SYNPR: variants seen among roughly 807,000 people sequenced by gnomAD.
The protein encoded by SYNPR is synaptoporin.
Under a neutral mutation model 32.9 loss-of-function variants are expected in SYNPR, and 23 were observed. That is an observed-to-expected ratio of 0.70 (90% confidence interval 0.50 to 0.99). The LOEUF (loss-of-function observed/expected upper bound fraction) is 0.99, where lower values mean the gene tolerates loss of function less well. Among genes scored for constraint, SYNPR ranks in the 50% least tolerant of loss-of-function variants. The pLI is 0.00. For synonymous variants in SYNPR, 146 were observed against 135.9 expected, an observed-to-expected ratio of 1.07 and a Z score of -0.52; for missense variants, 318 against 349.3, an observed-to-expected ratio of 0.91 and a Z score of 0.71.
intron 3 of SYNPR, among the ~76,000 whole-genome samples, chr3:63,494,404 T>TATATATATAC (rs1553641131): frequency 9.8e-6 from 1 of 102,446 alleles, no homozygotes; most frequent in African/African-American, 3.9e-5. Flanking sequence ...TATATATATA[T>TATATATATAC]ATATATATAT....
chr3:63,367,161 A>G (rs1049176170), intron 2 of SYNPR, among the ~76,000 whole-genome samples: 4 of 152,164 alleles, frequency 2.6e-5, no homozygotes, highest in African/African-American at 7.2e-5. Context: ...GATTGTTGAG[A>G]TATTATCCAG....
chr3:63,431,848 T>A (rs76145160), intron 2 of SYNPR, among the ~76,000 whole-genome samples: 1 of 147,906 alleles, frequency 6.8e-6, no homozygotes, highest in Non-Finnish European at 1.5e-5. Context: ...TTTTTTTTTT[T>A]CTTCCCTGTT....
chr3:63,362,044 C>A (rs975868101), intron 2 of SYNPR, among the ~76,000 whole-genome samples: 2 of 152,100 alleles, frequency 1.3e-5, no homozygotes, highest in African/African-American at 4.8e-5. Flanking sequence ...CCAGTTATGG[C>A]CAATAAAATG....
At chr3:63,548,258 G>C (rs1189900501) in intron 3 of SYNPR, among the ~76,000 whole-genome samples, 3 of 152,112 alleles carry the variant, frequency 2.0e-5, no homozygotes, top group Non-Finnish European at 2.9e-5. Context: ...AAACAACTAA[G>C]AGCTGGTATC....
intron 2 of SYNPR, among the ~76,000 whole-genome samples, chr3:63,390,585 A>G (rs1450865333): frequency 6.6e-6 from 1 of 152,202 alleles, no homozygotes; most frequent in African/African-American, 2.4e-5. Flanking sequence ...GGTCAGACAG[A>G]CCTGGATATG....
At chr3:63,245,472 A>C (rs2086276697) in intron 1 of SYNPR, among the ~76,000 whole-genome samples, 1 of 152,024 alleles carries the variant, frequency 6.6e-6, no homozygotes, top group African/African-American at 2.4e-5. Context: ...TTGGTGATAG[A>C]AAATATATTA....
intron 3 of SYNPR, among the ~76,000 whole-genome samples, chr3:63,513,440 TCA>T (rs1364853603): frequency 2.6e-5 from 4 of 152,134 alleles, no homozygotes; most frequent in Non-Finnish European, 2.9e-5. Flanking sequence ...ACATATCAAT[TCA>T]CGTAGATCCC....
intron 2 of SYNPR, among the ~76,000 whole-genome samples, chr3:63,415,053 A>G (rs2088521810): frequency 6.6e-6 from 1 of 152,280 alleles, no homozygotes; most frequent in African/African-American, 2.4e-5. Flanking sequence ...AAAGTAAATT[A>G]CATAAACTTA....
At chr3:63,508,709 A>T (rs1020690504) in intron 3 of SYNPR, among the ~76,000 whole-genome samples, 2 of 152,086 alleles carry the variant, frequency 1.3e-5, no homozygotes, top group African/African-American at 4.8e-5. Flanking sequence ...TGAAGGGTGG[A>T]ACATAACCAT....
intron 3 of SYNPR, among the ~76,000 whole-genome samples, chr3:63,271,205 G>A (rs1450411035): frequency 6.6e-6 from 1 of 152,048 alleles, no homozygotes; most frequent in South Asian, 2.1e-4. Context: ...CTAATTTTAG[G>A]TATTGGATTC....
chr3:63,525,947 A>G (rs1702003497), intron 3 of SYNPR, among the ~76,000 whole-genome samples: 2 of 152,190 alleles, frequency 1.3e-5, no homozygotes, highest in South Asian at 2.1e-4. Context: ...TGGCATCACC[A>G]TCTGCTTCTG....
In SYNPR at chr3:63,615,342, G is replaced by A. The variant is rs770649895; in HGVS notation, c.719G>A (p.Ser240Asn). The A allele has an allele frequency of 1.9e-6, 3 of 1,613,900 alleles. No homozygotes were observed. Among genetic ancestry groups the A allele is most frequent in the East Asian group, 2.2e-5 (1 of 44,872 alleles). Residue 240 changes from serine to asparagine, a missense_variant, in exon 6 of 6, where the codon AGC becomes AAC. Physicochemically the swap from Ser to Asn is conservative, Grantham distance 46. Coordinates refer to ENST00000478300, the MANE Select transcript of SYNPR (RefSeq NM_001130003.2). ...TCAGATCCAATGGAGAAGCACTCCA[G>A]CAGCTATAATCAAGGTGGTTACAAC... ...YLSDPMEKHS[S>N]SYNQGGYNQD...
intron 2 of SYNPR, among the ~76,000 whole-genome samples, chr3:63,291,522 G>C (rs1262835520): frequency 6.6e-6 from 1 of 152,150 alleles, no homozygotes; most frequent in South Asian, 2.1e-4. Context: ...AGGTTTGTGA[G>C]GATAGGAGAG....
At chr3:63,366,314 A>G (rs568003117) in intron 2 of SYNPR, among the ~76,000 whole-genome samples, 4 of 152,140 alleles carry the variant, frequency 2.6e-5, no homozygotes, top group Non-Finnish European at 5.9e-5. Flanking sequence ...GATAAGAGGA[A>G]TATTTATGGT....
chr3:63,378,614 C>T (rs906078482), intron 2 of SYNPR, among the ~76,000 whole-genome samples: 1 of 151,876 alleles, frequency 6.6e-6, no homozygotes, highest in Non-Finnish European at 1.5e-5. Context: ...TCTGTTTCAA[C>T]ATTGTTTTAG....
intron 2 of SYNPR, among the ~76,000 whole-genome samples, chr3:63,363,717 G>A (rs1232464524): frequency 6.6e-6 from 1 of 152,052 alleles, no homozygotes. Context: ...TAATTTATTT[G>A]GTTATTCATT....
intron 3 of SYNPR, among the ~76,000 whole-genome samples, chr3:63,526,255 C>T (rs907885897): frequency 2.1e-4 from 32 of 152,302 alleles, no homozygotes; most frequent in African/African-American, 7.0e-4. Context: ...TCTTCACTAG[C>T]GAACGCATTA....
At chr3:63,337,909 T>A (rs1449951132) in intron 2 of SYNPR, among the ~76,000 whole-genome samples, 2 of 152,142 alleles carry the variant, frequency 1.3e-5, no homozygotes, top group Non-Finnish European at 2.9e-5. Context: ...TTAGGATGGT[T>A]AAACTATGCT....
rs533001259 is a variant in SYNPR at position 63,231,422 on chromosome 3, C to T, written n.66+3042C>T. Among the ~76,000 whole-genome samples the T allele has an allele frequency of 4.6e-5, 7 of 152,174 alleles. No individual in the cohort carries two copies. The East Asian group carries it at 1.4e-3, about 29-fold the overall frequency. On this transcript the variant is annotated intron_variant and non_coding_transcript_variant, in intron 1 of 4. Transcript: ENST00000478456. ...GGTGCACCAAAATCTCAGAATTCACCACTAAAGAACTCATCTGTACACCAA... is the reference window on the plus strand; with the variant it reads ...GGTGCACCAAAATCTCAGAATTCACTACTAAAGAACTCATCTGTACACCAA...
Sources: allele counts gnomAD v4.1 joint callset (sites outside exome capture counted in the v4.1 genomes callset), GRCh38; gene constraint gnomAD v4.1.1; transcripts MANE v1.5; gene names NCBI Gene and HGNC (gene_info 2026-07-23, HGNC 2026-07-21).